The following NUP205 variants were observed in gnomAD, a reference collection of about 807,000 sequenced individuals.
NUP205 encodes the protein nuclear pore complex protein Nup205.
Under a neutral mutation model 253.8 loss-of-function variants are expected in NUP205, and 76 were observed. The observed-to-expected ratio is 0.30, with a 90% CI of 0.25 to 0.36. NUP205 has a LOEUF of 0.36. Among genes scored for constraint, NUP205 ranks in the 10% least tolerant of loss-of-function variants. NUP205 has a pLI of 1.00. For missense variants in NUP205, 2,162 were observed against 2,425.5 expected (o/e 0.89, Z 2.28); for synonymous variants, 832 against 850.1 (o/e 0.98, Z 0.37).
At chr7:135,629,682 G>A (rs559103838) in intron 34 of NUP205, among the ~76,000 whole-genome samples, 1 of 152,000 alleles carries the variant, frequency 6.6e-6, no homozygotes, top group South Asian at 2.1e-4. Flanking sequence ...GTGCACCACT[G>A]CATCTGACTA....
At chr7:135,609,558 G>C (rs1293007773) in intron 22 of NUP205, among the ~76,000 whole-genome samples, 1 of 151,724 alleles carries the variant, frequency 6.6e-6, no homozygotes, top group Admixed American at 6.6e-5. Context: ...TGAGGCAGGA[G>C]AATGGCGTGA....
chr7:135,559,537 A>G (rs898461977), intron 1 of NUP205, among the ~76,000 whole-genome samples: 1 of 150,330 alleles, frequency 6.7e-6, no homozygotes, highest in African/African-American at 2.5e-5. Flanking sequence ...CGCTGGGCTA[A>G]TTTTTGTATT....
intron 38 of NUP205, 22 bp downstream of exon 38, chr7:135,638,705 G>A: frequency 1.9e-6 from 3 of 1,613,880 alleles, no homozygotes; most frequent in Non-Finnish European, 2.5e-6. Flanking sequence ...TTTTCATTCT[G>A]TATTGAAGGA....
At chr7:135,619,228 C>T (rs1421854161) in intron 28 of NUP205, among the ~76,000 whole-genome samples, 195 bp from the exon 29 acceptor site, 2 of 151,646 alleles carry the variant, frequency 1.3e-5, no homozygotes, top group Non-Finnish European at 2.9e-5. Flanking sequence ...CCTGTAGTCA[C>T]AGTTGCGGGA....
intron 17 of NUP205, among the ~76,000 whole-genome samples, chr7:135,602,219 A>C (rs1274728792): frequency 6.6e-6 from 1 of 152,222 alleles, no homozygotes; most frequent in Non-Finnish European, 1.5e-5. Flanking sequence ...CAGATAAGAC[A>C]CTATAGGAAG....
intron 17 of NUP205, among the ~76,000 whole-genome samples, chr7:135,602,532 TAAA>T (rs2129490580): frequency 6.6e-6 from 1 of 152,304 alleles, no homozygotes; most frequent in Non-Finnish European, 1.5e-5. Flanking sequence ...AGGGAAAAGA[TAAA>T]GAAGTGATTT....
chr7:135,646,770 A>G (rs1795019767), intron 42 of NUP205, among the ~76,000 whole-genome samples: 1 of 152,202 alleles, frequency 6.6e-6, no homozygotes, highest in Non-Finnish European at 1.5e-5. Context: ...CCGAGCCTCA[A>G]TTGCTTCATC....
At chr7:135,580,890 G>C (rs1806286790) in intron 7 of NUP205, among the ~76,000 whole-genome samples, 1 of 152,068 alleles carries the variant, frequency 6.6e-6, no homozygotes, top group Non-Finnish European at 1.5e-5. Flanking sequence ...AGGTTTAATA[G>C]AATATGCTAT....
At chr7:135,558,880 A>T (rs1042923085) in intron 1 of NUP205, among the ~76,000 whole-genome samples, 1 of 151,934 alleles carries the variant, frequency 6.6e-6, no homozygotes, top group African/African-American at 2.4e-5. Context: ...ACTTAAAAGG[A>T]CTCTTTTTTA....
chr7:135,566,955 G>A (rs1293422761), intron 1 of NUP205, among the ~76,000 whole-genome samples: 1 of 150,878 alleles, frequency 6.6e-6, no homozygotes, highest in African/African-American at 2.4e-5. Context: ...CCAGGTGGCT[G>A]GTCTCGAACT....
intron 3 of NUP205, among the ~76,000 whole-genome samples, chr7:135,574,965 G>C (rs1806112250): frequency 6.6e-6 from 1 of 152,022 alleles, no homozygotes; most frequent in Non-Finnish European, 1.5e-5. Context: ...AGAATGAGGG[G>C]GATGTTCACT....
intron 13 of NUP205, among the ~76,000 whole-genome samples, chr7:135,596,211 G>T (rs542981346): frequency 6.6e-6 from 1 of 152,374 alleles, no homozygotes; most frequent in South Asian, 2.1e-4. Context: ...TGGGATTACA[G>T]GCGTGAGCCA....
intron 10 of NUP205, among the ~76,000 whole-genome samples, chr7:135,590,004 A>G (rs1211015894): frequency 6.6e-6 from 1 of 151,398 alleles, no homozygotes; most frequent in Admixed American, 6.6e-5. Flanking sequence ...AATTTGAAAC[A>G]TGTGGAAGAG....
chr7:135,646,203 C>G lies in NUP205; in HGVS notation c.5858C>G (p.Ala1953Gly), dbSNP rs1421551256. ...AATCTAGATTTTAGAAGTGGGCTGG[C>G]TATAGTGAGCCAACATGATTTAGAC... ...ETNLDFRSGL[A>G]IVSQHDLDQL... Residue 1953 changes from alanine to glycine, a missense_variant, in exon 42 of 43, where the codon GCT (alanine) becomes GGT (glycine). Transcript: ENST00000285968. The G allele has an allele frequency of 1.2e-6, 2 of 1,613,022 alleles. No homozygotes were observed. Among genetic ancestry groups the G allele is most frequent in the Non-Finnish European group, 1.7e-6 (2 of 1,179,180 alleles).
intron 1 of NUP205, among the ~76,000 whole-genome samples, chr7:135,563,531 C>T (rs555270224): frequency 6.6e-6 from 1 of 152,116 alleles, no homozygotes. Context: ...TTTTTCCTCA[C>T]TGCAGTATAA....
In NUP205 at chr7:135,646,398, T is replaced by TA. The variant is rs1166545777; in HGVS notation, c.5886+178dup. Among the ~76,000 whole-genome samples, 2,245 of 147,830 alleles carry TA rather than the reference T, an allele frequency of 0.015. 52 individuals are homozygous for TA. The highest frequency in any genetic ancestry group is 0.052 in the African/African-American group (2,109 of 40,506). On this transcript the variant is annotated intron_variant, in intron 42 of 42. Transcript: ENST00000285968. ...GGCAACATAGTGAGACCCCGTCTCT[T>TA]AAAAAAAAAAATTGGCATACTGTGG... is the stretch of plus-strand genomic sequence containing the variant.
rs1163648935 is a variant in NUP205, at chr7:135,567,128, GTA to G, written c.29-3925_29-3924del. ...TGTCTGTCTTGCTCAGTCTATGTGTGTATATATATATATATATATATATATAT... is the reference window on the plus strand; with the variant it reads ...TGTCTGTCTTGCTCAGTCTATGTGTGTATATATATATATATATATATATAT... On this transcript the variant is annotated intron_variant, in intron 1 of 42. Transcript: ENST00000285968. Among the ~76,000 whole-genome samples the G allele has an allele frequency of 2.5e-3, 18 of 7,242 alleles. 2 individuals are homozygous for G. The highest frequency in any genetic ancestry group is 8.8e-3 in the African/African-American group (18 of 2,050). 4.8% of individuals were successfully genotyped at this position (7,242 alleles called of 152,430 possible).
chr7:135,633,709 T>G (rs1794757422), intron 35 of NUP205, among the ~76,000 whole-genome samples: 1 of 152,214 alleles, frequency 6.6e-6, no homozygotes, highest in African/African-American at 2.4e-5. Flanking sequence ...TTCCAAAGTG[T>G]TGGGATTACA....
intron 41 of NUP205, chr7:135,645,904 G>C (rs1276912689): frequency 3.5e-6 from 2 of 577,476 alleles, no homozygotes; most frequent in Non-Finnish European, 6.1e-6. Flanking sequence ...TATTGCTGGA[G>C]TGGGCCTCTG....
Sources: allele counts gnomAD v4.1 joint callset (sites outside exome capture counted in the v4.1 genomes callset), GRCh38; gene constraint gnomAD v4.1.1; transcripts MANE v1.5; gene names NCBI Gene and HGNC (gene_info 2026-07-23, HGNC 2026-07-21).